Variants in AAMDC observed in about 807,000 individuals in gnomAD.
The protein encoded by AAMDC is mth938 domain-containing protein.
AAMDC carries 16 observed loss-of-function variants against 15.5 expected under a neutral mutation model. That is an observed-to-expected ratio of 1.03 (90% confidence interval 0.70 to 1.57). The LOEUF is 1.57. Among genes scored for constraint, AAMDC ranks in the 40% most tolerant of loss-of-function variants. The probability of loss-of-function intolerance (pLI) is 0.00; values close to 1 mark genes in which losing one functional copy is unlikely to be tolerated. For synonymous variants in AAMDC, 51 were observed against 51.6 expected, an observed-to-expected ratio of 0.99 and a Z score of 0.05; for missense variants, 141 against 144.9, an observed-to-expected ratio of 0.97 and a Z score of 0.14.
downstream of AAMDC, among the ~76,000 whole-genome samples, chr11:77,904,525 T>G (rs1420732395): frequency 6.6e-6 from 1 of 152,228 alleles, no homozygotes; most frequent in Non-Finnish European, 1.5e-5. Flanking sequence ...CAGTGTGTAT[T>G]TTGCACTTAA....
At chr11:77,886,443 G>A (rs1273067075) in intron 5 of AAMDC, among the ~76,000 whole-genome samples, 3 of 151,098 alleles carry the variant, frequency 2.0e-5, no homozygotes, top group Non-Finnish European at 4.4e-5. Flanking sequence ...GAAGGCCCGC[G>A]GCGGGTGTTG....
chr11:77,860,831 G>A (rs1056094960), intron 2 of AAMDC, among the ~76,000 whole-genome samples: 1 of 152,188 alleles, frequency 6.6e-6, no homozygotes, highest in Non-Finnish European at 1.5e-5. Context: ...ATTTGGGAAA[G>A]CAGAGTACAA....
At chr11:77,841,545 G>C (rs1949932891) in intron 1 of AAMDC, among the ~76,000 whole-genome samples, 1 of 152,192 alleles carries the variant, frequency 6.6e-6, no homozygotes, top group Non-Finnish European at 1.5e-5. Context: ...TCAAAGTCCA[G>C]CTGTTGTATG....
intron 2 of AAMDC, among the ~76,000 whole-genome samples, chr11:77,844,986 T>C (rs116723980): frequency 0.011 from 1,677 of 152,330 alleles, 34 homozygotes; most frequent in African/African-American, 0.036. Context: ...ATTAGCATTA[T>C]TAGATCTCCC....
intron 5 of AAMDC, among the ~76,000 whole-genome samples, chr11:77,879,415 T>C (rs541035467): frequency 6.6e-6 from 1 of 152,244 alleles, no homozygotes; most frequent in Non-Finnish European, 1.5e-5. Context: ...ATCTGCTTTA[T>C]GAACTGGGCT....
intron 1 of AAMDC, among the ~76,000 whole-genome samples, chr11:77,839,418 T>G (rs1057319363): frequency 6.6e-6 from 1 of 152,214 alleles, no homozygotes; most frequent in Non-Finnish European, 1.5e-5. Context: ...GGGCAATTCC[T>G]CAAAGACCTA....
chr11:77,902,671 T>A (rs1952813071), downstream of AAMDC, among the ~76,000 whole-genome samples: 1 of 152,196 alleles, frequency 6.6e-6, no homozygotes, highest in African/African-American at 2.4e-5. Context: ...TTTAGTGAAC[T>A]GTAATGTAAC....
chr11:77,832,359 T>C (rs1374502007), intron 1 of AAMDC, among the ~76,000 whole-genome samples: 2 of 151,430 alleles, frequency 1.3e-5, no homozygotes, highest in Non-Finnish European at 2.9e-5. Flanking sequence ...GGCGTTTCGC[T>C]CTTGTTGCCC....
rs201785171 is a variant in AAMDC at position 77,896,343 on chromosome 11, TA to T, written c.329-4221del. 2.8e-3 allele frequency among the ~76,000 whole-genome samples: 428 copies of T among 152,024 alleles called. 1 individual carries two copies. The highest frequency in any genetic ancestry group is 9.9e-3 in the African/African-American group (411 of 41,476). ...AACAATGTAAACTGAAATGATAAAC[TA>T]AAAAAAGCATATTAAAGAATTTACT... is the stretch of plus-strand genomic sequence containing the variant. On this transcript the variant is annotated intron_variant, in intron 5 of 5. Coordinates refer to the AAMDC transcript ENST00000304716.
intron 5 of AAMDC, among the ~76,000 whole-genome samples, chr11:77,899,555 A>G (rs1441905250): frequency 2.0e-5 from 3 of 152,050 alleles, no homozygotes; most frequent in African/African-American, 7.2e-5. Context: ...CTGTAATCCC[A>G]GCTACTTGGG....
At chr11:77,904,744 C>T (rs1488576016), downstream of AAMDC, among the ~76,000 whole-genome samples, 1 of 152,114 alleles carries the variant, frequency 6.6e-6, no homozygotes, top group Admixed American at 6.5e-5. Context: ...AGATCATAAT[C>T]CCAAAACATA....
intron 5 of AAMDC, chr11:77,891,701 G>A: frequency 6.2e-7 from 1 of 1,612,012 alleles, no homozygotes; most frequent in Non-Finnish European, 8.5e-7. Context: ...AGCGGGAGAT[G>A]CAGAAAGGCA....
chr11:77,884,778 AG>A (rs1271714009), intron 5 of AAMDC: 1 of 401,322 alleles, frequency 2.5e-6, no homozygotes, highest in Non-Finnish European at 5.1e-6. Flanking sequence ...TCTTTAAAAC[AG>A]GGTCTTACTC....
chr11:77,891,203 A>C, intron 5 of AAMDC: 1 of 958,554 alleles, frequency 1.0e-6, no homozygotes, highest in Non-Finnish European at 1.5e-6. Flanking sequence ...ACAGAGGCTC[A>C]TTTCTTCTCC....
At chr11:77,864,837 G>T (rs1205564806) in intron 2 of AAMDC, among the ~76,000 whole-genome samples, 1 of 152,098 alleles carries the variant, frequency 6.6e-6, no homozygotes, top group East Asian at 1.9e-4. Flanking sequence ...AAATTAGCCA[G>T]GCATGGTGGC....
chr11:77,861,446 A>G (rs1950872917), intron 2 of AAMDC, among the ~76,000 whole-genome samples: 1 of 152,172 alleles, frequency 6.6e-6, no homozygotes, highest in Non-Finnish European at 1.5e-5. Flanking sequence ...AGAGACAGTT[A>G]ACCTCCTGGC....
intron 2 of AAMDC, among the ~76,000 whole-genome samples, chr11:77,864,460 A>G (rs1951021247): frequency 6.6e-6 from 1 of 152,074 alleles, no homozygotes; most frequent in South Asian, 2.1e-4. Flanking sequence ...AAATAAAAAA[A>G]AGAACATAGT....
chr11:77,869,691 G>T, intron 2 of AAMDC, 31 bp from the exon 3 acceptor site: 2 of 1,592,524 alleles, frequency 1.3e-6, no homozygotes, highest in East Asian at 2.2e-5. Flanking sequence ...TTGAGAGCAG[G>T]TACCTGTCTA....
intron 5 of AAMDC, among the ~76,000 whole-genome samples, chr11:77,885,368 C>T (rs1181905708): frequency 2.0e-5 from 3 of 152,068 alleles, no homozygotes; most frequent in African/African-American, 7.2e-5. Context: ...TGAGCCACCA[C>T]ACCTGGCCTA....
Sources: allele counts gnomAD v4.1 joint callset (sites outside exome capture counted in the v4.1 genomes callset), GRCh38; gene constraint gnomAD v4.1.1; transcripts MANE v1.5; gene names NCBI Gene and HGNC (gene_info 2026-07-23, HGNC 2026-07-21).